The following MAU2 variants were observed in gnomAD, a reference collection of about 807,000 sequenced individuals.
MAU2 encodes the protein MAU2 sister chromatid cohesion factor.
MAU2 carries 9 observed loss-of-function variants against 89.1 expected under a neutral mutation model. The observed-to-expected ratio is 0.10, with a 90% confidence interval of 0.06 to 0.18. The LOEUF (loss-of-function observed/expected upper bound fraction) is 0.18. MAU2 is among the 10% of genes least tolerant of loss of function. MAU2 has a pLI of 1.00. For synonymous variants in MAU2, 357 were observed against 343.4 expected (o/e 1.04, Z -0.44); for missense variants, 425 against 803.5 (o/e 0.53, Z 5.69).
At position 19,328,423 on chromosome 19, in the gene MAU2, CT is replaced by C. The variant is rs576082599; in HGVS notation, c.277-7279del. Among the ~76,000 whole-genome samples, 551 of 140,352 alleles carry C rather than the reference CT, an allele frequency of 3.9e-3. 2 individuals carry two copies. Among genetic ancestry groups the C allele is most frequent in the Non-Finnish European group, 4.6e-3 (293 of 63,908 alleles). The allele number at this position is 140,352 out of a possible 152,430, so 92.1% of individuals were successfully genotyped here. A position where few individuals can be genotyped will look rare whatever the true frequency, so the allele number is the denominator to read the frequency against. On this transcript the variant is annotated intron_variant, in intron 1 of 18. Transcript: ENST00000262815. ...ACCTGCATATCCGTTTCCCCCTTAACTTTTTTTTTTTTTTTTGAGACAGAGT... is the reference window on the plus strand; with the variant it reads ...ACCTGCATATCCGTTTCCCCCTTAACTTTTTTTTTTTTTTTGAGACAGAGT...
At position 19,355,784 on chromosome 19, in the gene MAU2, G is replaced by C; in HGVS notation, c.*2G>C. 6.2e-7 allele frequency: 1 copy of C among 1,605,890 alleles called. No individual in the cohort carries two copies. The highest frequency in any genetic ancestry group is 1.1e-5 in the South Asian group (1 of 91,080). ...ACCAGCCTGGCCAGCCTCCTGTGAG[G>C]CCTTGATGGGGCCATCCAGCTCCGC... is the stretch of plus-strand genomic sequence containing the variant. On this transcript the variant is annotated 3_prime_UTR_variant, in exon 19 of 19. Transcript: ENST00000262815.
chr19:19,349,093 G>C, intron 14 of MAU2, 62 bp from the exon 15 acceptor site: 1 of 1,597,458 alleles, frequency 6.3e-7, no homozygotes, highest in African/African-American at 1.3e-5. Context: ...GCTGCCCACT[G>C]CCGTTTTGTA....
intron 16 of MAU2, chr19:19,354,020 A>G (rs2061764682): frequency 2.9e-6 from 1 of 344,166 alleles, no homozygotes. Context: ...ATGAATCTGC[A>G]TTTCTGATCA....
chr19:19,347,696 C>T (rs755056474), intron 13 of MAU2: 62 of 212,452 alleles, frequency 2.9e-4, no homozygotes, highest in African/African-American at 1.1e-3. Flanking sequence ...GAGGCTCAGT[C>T]CTAAGGGGCA....
At chr19:19,326,706 A>ATATATATATACACATATATATATATG in intron 1 of MAU2, among the ~76,000 whole-genome samples, 1 of 87,012 alleles carries the variant, frequency 1.1e-5, no homozygotes, top group East Asian at 3.9e-4. Context: ...ATATATGTAT[A>ATATATATATACACATATATATATATG]TATATATATA....
chr19:19,343,813 C>A (rs764544260), intron 9 of MAU2, 24 bp from the exon 10 acceptor site: 5 of 1,588,082 alleles, frequency 3.1e-6, no homozygotes, highest in Non-Finnish European at 4.3e-6. Flanking sequence ...CCCCTGCATG[C>A]TTACCCCTGA....
chr19:19,335,524 C>G (rs569847141), intron 1 of MAU2, among the ~76,000 whole-genome samples, 194 bp from the exon 2 acceptor site: 1 of 152,142 alleles, frequency 6.6e-6, no homozygotes, highest in Non-Finnish European at 1.5e-5. Context: ...CACTGGGGCT[C>G]TATAGCTTCC....
At position 19,348,958 on chromosome 19, in the gene MAU2, A is replaced by G. The variant is rs747791921; in HGVS notation, c.1358+20A>G. ...TGTCAGGTGAGCCGCTCCAGGCACC[A>G]CTCCACGCACGGCCTAGGCTCCCCG... is the stretch of plus-strand genomic sequence containing the variant. On this transcript the variant is annotated intron_variant, in intron 14 of 18. Coordinates refer to ENST00000262815, the MANE Select transcript of MAU2 (RefSeq NM_015329.4). 6.2e-7 allele frequency: 1 copy of G among 1,611,438 alleles called. No individual in the cohort carries two copies. Among genetic ancestry groups the G allele is most frequent in the Non-Finnish European group, 8.5e-7 (1 of 1,178,986 alleles).
In MAU2 at chr19:19,342,912, C is replaced by T. The variant is rs375089789; in HGVS notation, c.973+46C>T. The T allele has an allele frequency of 2.5e-4, 401 of 1,600,750 alleles. 2 individuals carry two copies. The highest frequency in any genetic ancestry group is 2.1e-3 in the Middle Eastern group (12 of 5,848). Reference sequence around the variant, plus strand: ...GCCACATGGCCACAGCGACCCCTGGCGGACGGCCTGGCCAGACGCTAGCTG... The same window carrying T: ...GCCACATGGCCACAGCGACCCCTGGTGGACGGCCTGGCCAGACGCTAGCTG... On this transcript the variant is annotated intron_variant, in intron 9 of 18. Coordinates refer to ENST00000262815, the MANE Select transcript of MAU2 (RefSeq NM_015329.4).
chr19:19,348,546 C>T (rs2061714077), intron 13 of MAU2: 4 of 475,694 alleles, frequency 8.4e-6, no homozygotes, highest in Non-Finnish European at 1.2e-5. Flanking sequence ...CCCACCCACT[C>T]ACCCCCACAG....
chr19:19,328,482 C>T (rs185823201), intron 1 of MAU2, among the ~76,000 whole-genome samples: 12 of 150,228 alleles, frequency 8.0e-5, no homozygotes, highest in South Asian at 2.1e-4. Context: ...AGTGCAGTGG[C>T]GTGATCTCGG....
rs769810175 is a variant in MAU2, at chr19:19,321,175, C to T, written c.276+40C>T. 5 of 1,541,278 alleles carry T rather than the reference C, an allele frequency of 3.2e-6. No individual in the cohort carries two copies. In the African/African-American group the frequency reaches 7.0e-5, roughly 22 times the overall value. On this transcript the variant is annotated intron_variant, in intron 1 of 18. Coordinates refer to ENST00000262815, the MANE Select transcript of MAU2 (RefSeq NM_015329.4). ...GGCCGCGAGGGAGGAGTCGCGGGCT[C>T]CTTGCAAGATCTGGGCTGACGGGTC...
chr19:19,344,774 G>A, intron 10 of MAU2, 75 bp from the exon 11 acceptor site: 1 of 1,223,268 alleles, frequency 8.2e-7, no homozygotes, highest in African/African-American at 1.5e-5. Context: ...ACCAGCTATG[G>A]GGTCTCTCCA....
intron 7 of MAU2, among the ~76,000 whole-genome samples, 197 bp from the exon 8 acceptor site, chr19:19,342,338 G>C (rs992074807): frequency 6.6e-6 from 1 of 152,196 alleles, no homozygotes. Flanking sequence ...ACAGCTGCCC[G>C]CCTGGCTGTG....
intron 1 of MAU2, among the ~76,000 whole-genome samples, chr19:19,333,210 C>G (rs554917695): frequency 1.6e-4 from 24 of 152,254 alleles, no homozygotes; most frequent in Non-Finnish European, 1.6e-4. Flanking sequence ...GCTGGCCAAG[C>G]ACGATGTCCA....
intron 4 of MAU2, among the ~76,000 whole-genome samples, chr19:19,337,646 A>G (rs1363926221): frequency 6.6e-6 from 1 of 152,150 alleles, no homozygotes. Context: ...TTCCTGCCAG[A>G]GACCCACTGT....
At chr19:19,339,379 A>G (rs2061622112) in intron 5 of MAU2, among the ~76,000 whole-genome samples, 4 of 151,912 alleles carry the variant, frequency 2.6e-5, no homozygotes. Context: ...CCCGGGAGGC[A>G]GAGGTTGCAG....
chr19:19,323,286 G>A (rs947398103), intron 1 of MAU2, among the ~76,000 whole-genome samples: 1 of 148,568 alleles, frequency 6.7e-6, no homozygotes, highest in Admixed American at 6.7e-5. Context: ...CTTCCGTCTC[G>A]TGGGTTCAAG....
chr19:19,333,658 G>A (rs150070620), intron 1 of MAU2, among the ~76,000 whole-genome samples: 25 of 152,346 alleles, frequency 1.6e-4, no homozygotes, highest in African/African-American at 5.8e-4. Flanking sequence ...GTGGGCTGTC[G>A]TCAGCTCTGG....
Sources: gnomAD v4.1 joint callset for allele counts (sites outside exome capture counted in the v4.1 genomes callset) on GRCh38, gnomAD v4.1.1 for gene constraint, MANE v1.5 for transcripts, NCBI Gene and HGNC (gene_info 2026-07-23, HGNC 2026-07-21) for gene names.